MALT1: variants seen among roughly 807,000 people sequenced by gnomAD.
MALT1 encodes mucosa-associated lymphoid tissue lymphoma translocation protein 1.
Under a neutral mutation model 85.5 loss-of-function variants are expected in MALT1, and 36 were observed. That is an observed-to-expected ratio of 0.42 (90% CI 0.32 to 0.56). The LOEUF is 0.56. Ranked by LOEUF, MALT1 falls within the 20% of genes least tolerant of loss-of-function variation. The pLI is 0.10. For missense variants in MALT1, 716 were observed against 981.6 expected (o/e 0.73, Z 3.62); for synonymous variants, 359 against 361.3 (o/e 0.99, Z 0.07).
intron 2 of MALT1, among the ~76,000 whole-genome samples, chr18:58,686,973 G>C (rs1164993991): frequency 1.3e-5 from 2 of 152,172 alleles, no homozygotes; most frequent in East Asian, 3.8e-4. Flanking sequence ...AACCAGGTCT[G>C]CTGACCCTGA....
intron 16 of MALT1, among the ~76,000 whole-genome samples, chr18:58,747,107 A>C (rs1243436039): frequency 6.6e-6 from 1 of 152,198 alleles, no homozygotes; most frequent in Non-Finnish European, 1.5e-5. Flanking sequence ...CACTGCTTGG[A>C]AAATGTTTTC....
chr18:58,746,756 C>T (rs1471116495), intron 16 of MALT1, among the ~76,000 whole-genome samples: 1 of 151,060 alleles, frequency 6.6e-6, no homozygotes, highest in East Asian at 1.9e-4. Flanking sequence ...GAGATGGTGT[C>T]TCTCTCTGTC....
chr18:58,684,859 A>G (rs944591357), intron 2 of MALT1, among the ~76,000 whole-genome samples: 1 of 152,204 alleles, frequency 6.6e-6, no homozygotes, highest in African/African-American at 2.4e-5. Context: ...TATTAAGAAG[A>G]TAAGCTCTGA....
chr18:58,701,150 T>G (rs908478206), intron 4 of MALT1, among the ~76,000 whole-genome samples: 2 of 151,982 alleles, frequency 1.3e-5, no homozygotes. Flanking sequence ...CACACACATA[T>G]ATGTGTGTGT....
chr18:58,713,361 A>C (rs1287783629), intron 7 of MALT1, among the ~76,000 whole-genome samples: 1 of 152,136 alleles, frequency 6.6e-6, no homozygotes, highest in African/African-American at 2.4e-5. Flanking sequence ...TATTTCTCCC[A>C]AAAACACCTT....
At chr18:58,674,734 A>G (rs909599072) in intron 1 of MALT1, among the ~76,000 whole-genome samples, 1 of 152,206 alleles carries the variant, frequency 6.6e-6, no homozygotes, top group Non-Finnish European at 1.5e-5. Context: ...TGCCAAAGAC[A>G]GGAATTATAG....
At chr18:58,713,514 A>G (rs527476246) in intron 7 of MALT1, among the ~76,000 whole-genome samples, 31 of 152,178 alleles carry the variant, frequency 2.0e-4, no homozygotes, top group Non-Finnish European at 4.3e-4. Context: ...GTCAGAACCA[A>G]GAAGATACAA....
chr18:58,735,459 A>G (rs972573493), intron 13 of MALT1, 130 bp downstream of exon 13: 26 of 884,082 alleles, frequency 2.9e-5, no homozygotes, highest in South Asian at 2.7e-4. Flanking sequence ...CTACTTTATA[A>G]AACAATTTTT....
intron 11 of MALT1, 46 bp downstream of exon 11, chr18:58,733,620 G>T: frequency 7.1e-7 from 1 of 1,398,822 alleles, no homozygotes; most frequent in South Asian, 1.4e-5. Flanking sequence ...GTTAAATATC[G>T]ACCATGACAA....
chr18:58,709,058 C>T (rs1187094754), intron 4 of MALT1, among the ~76,000 whole-genome samples: 1 of 152,202 alleles, frequency 6.6e-6, no homozygotes, highest in Non-Finnish European at 1.5e-5. Flanking sequence ...ATTCTGCAGC[C>T]AAACACATTT....
At chr18:58,734,657 C>T (rs756445579) in intron 12 of MALT1, 6 of 326,520 alleles carry the variant, frequency 1.8e-5, no homozygotes, top group Non-Finnish European at 2.8e-5. Flanking sequence ...ATAAATTTAC[C>T]TCCTTGATAT....
intron 10 of MALT1, among the ~76,000 whole-genome samples, chr18:58,723,974 G>A (rs541636435): frequency 3.9e-5 from 6 of 152,270 alleles, no homozygotes; most frequent in Non-Finnish European, 8.8e-5. Context: ...GAGCTCATCT[G>A]AACCGTGTTT....
chr18:58,688,947 C>T (rs9955387), intron 2 of MALT1, among the ~76,000 whole-genome samples: 117,494 of 151,908 alleles, frequency 0.77, 46,313 homozygotes, highest in African/African-American at 0.94. Flanking sequence ...AGCCCAGGAG[C>T]TCAAGACCAG....
chr18:58,692,245 A>G (rs1403776453), intron 2 of MALT1: 2 of 152,150 alleles, frequency 1.3e-5, no homozygotes, highest in African/African-American at 4.8e-5. Flanking sequence ...CTCAGTGCTC[A>G]TCTAGCCTGG....
chr18:58,740,970 G>A (rs1204424221), intron 13 of MALT1, among the ~76,000 whole-genome samples: 2 of 151,920 alleles, frequency 1.3e-5, no homozygotes, highest in East Asian at 3.9e-4. Flanking sequence ...TCATTATGTA[G>A]TGATGCCTCC....
At chr18:58,696,869 C>T (rs1402679072) in intron 3 of MALT1, among the ~76,000 whole-genome samples, 2 of 152,130 alleles carry the variant, frequency 1.3e-5, no homozygotes, top group Admixed American at 6.5e-5. Context: ...ATGTGCTATT[C>T]TTTTTAAGAA....
At chr18:58,682,720 A>G (rs1488641230) in intron 2 of MALT1, among the ~76,000 whole-genome samples, 2 of 152,300 alleles carry the variant, frequency 1.3e-5, no homozygotes, top group East Asian at 1.9e-4. Flanking sequence ...AATTGAAACT[A>G]TTAGAAGGAA....
chr18:58,715,255 A>G (rs1324812820), intron 8 of MALT1, among the ~76,000 whole-genome samples: 1 of 152,208 alleles, frequency 6.6e-6, no homozygotes, highest in Non-Finnish European at 1.5e-5. Flanking sequence ...AAACTTTTGT[A>G]AATAGCCACC....
chr18:58,703,971 G>C (rs1018551282), intron 4 of MALT1, among the ~76,000 whole-genome samples: 9 of 152,128 alleles, frequency 5.9e-5, no homozygotes, highest in African/African-American at 2.2e-4. Flanking sequence ...TCAGCATAAT[G>C]TTTTTAAAAT....
Sources: allele counts gnomAD v4.1 joint callset (sites outside exome capture counted in the v4.1 genomes callset), GRCh38; gene constraint gnomAD v4.1.1; transcripts MANE v1.5; gene names NCBI Gene and HGNC (gene_info 2026-07-23, HGNC 2026-07-21).